Variants in ZSWIM8 observed in about 807,000 individuals in gnomAD.
The protein encoded by ZSWIM8 is zinc finger SWIM domain-containing protein 8.
Under a neutral mutation model 173.7 loss-of-function variants are expected in ZSWIM8, and 27 were observed. That is an observed-to-expected ratio of 0.16 (90% CI 0.11 to 0.21). The LOEUF (loss-of-function observed/expected upper bound fraction) is 0.21. Among genes scored for constraint, ZSWIM8 ranks in the 10% least tolerant of loss-of-function variants. The pLI is 1.00. For missense variants in ZSWIM8, 1,627 were observed against 2,428.8 expected, an observed-to-expected ratio of 0.67 and a Z score of 6.94; for synonymous variants, 958 against 962.0, an observed-to-expected ratio of 1.00 and a Z score of 0.08.
chr10:73,789,007 GA>G lies in ZSWIM8; in HGVS notation c.363-88del. 1 of 1,391,290 alleles carries G rather than the reference GA, an allele frequency of 7.2e-7. No homozygotes were observed. The highest frequency in any genetic ancestry group is 1.2e-5 in the South Asian group (1 of 82,312). The allele number at this position is 1,391,290 out of a possible 1,614,324, so 86.2% of individuals were successfully genotyped here. A position where few individuals can be genotyped will look rare whatever the true frequency, so the allele number is the denominator to read the frequency against. ...GCCCTGGGGAAGGAATGAGGCTAGG[GA>G]GAGAGTGCCTAGGGCATTGTGGTCT... On this transcript the variant is annotated intron_variant, in intron 2 of 25. Coordinates refer to ENST00000604729, the MANE Select transcript of ZSWIM8 (RefSeq NM_001367799.1). This position sits in a 1 kb window ranked among gnomAD's most constrained non-coding sequence, Gnocchi z 6.8.
chr10:73,790,313 CCTGTGT>C, intron 7 of ZSWIM8, 21 bp downstream of exon 7: 2 of 1,580,882 alleles, frequency 1.3e-6, no homozygotes, highest in Non-Finnish European at 1.7e-6. Flanking sequence ...TCTCTGCATA[CCTGTGT>C]CTGTGGTGGA....
rs755936923 is a variant in ZSWIM8 at position 73,801,763 on chromosome 10, TTATAAA to T, written c.*249_*254del. 1.3e-6 allele frequency: 2 copies of T among 1,493,282 alleles called. No individual in the cohort carries two copies. Among genetic ancestry groups the T allele is most frequent in the Non-Finnish European group, 1.8e-6 (2 of 1,124,412 alleles). 92.5% of individuals were successfully genotyped at this position (1,493,282 alleles called of 1,614,324 possible). On this transcript the variant is annotated 3_prime_UTR_variant, in exon 26 of 26. Coordinates refer to ENST00000604729, the MANE Select transcript of ZSWIM8 (RefSeq NM_001367799.1). This position sits in a 1 kb window ranked among gnomAD's most constrained non-coding sequence, Gnocchi z 4.9. ...GTGGCCTCTGGTATTTATTTGGCAT[TTATAAA>T]TATATAAACTCCTTTTTTACTCTAG... is the stretch of plus-strand genomic sequence containing the variant.
At position 73,797,661 on chromosome 10, in the gene ZSWIM8, C is replaced by T; in HGVS notation, c.3662+56C>T. On this transcript the variant is annotated intron_variant, in intron 18 of 25. Transcript: ENST00000604729. The surrounding 1 kb of genome is among the most constrained non-coding windows in gnomAD (Gnocchi z 5.6). ...ATCTGGCCCACCCTCAGAGCCACAC[C>T]CCTAGTGCAATCCAACCATTGTCTC... 1 of 1,587,798 alleles carries T rather than the reference C, an allele frequency of 6.3e-7. No individual in the cohort carries two copies. Among genetic ancestry groups the T allele is most frequent in the South Asian group, 1.1e-5 (1 of 88,474 alleles).
At position 73,794,342 on chromosome 10, in the gene ZSWIM8, G is replaced by A; in HGVS notation, c.2809+12G>A. 1.2e-6 allele frequency: 2 copies of A among 1,612,420 alleles called. No individual in the cohort carries two copies. The highest frequency in any genetic ancestry group is 8.5e-7 in the Non-Finnish European group (1 of 1,178,954). On this transcript the variant is annotated intron_variant, in intron 13 of 25. Transcript: ENST00000604729. ...TCTCTGTGCTCCAGGTATGATGCCT[G>A]ACCCTACAGTAAGTGGGGAACTGGG... is the stretch of plus-strand genomic sequence containing the variant.
rs1335112925 is a variant in ZSWIM8, at chr10:73,791,047, T to C, written c.1014T>C (p.Pro338=). The change falls in exon 8 of 26, where the codon CCT becomes CCC. Residue 338 remains proline, a synonymous_variant. Transcript: ENST00000604729. The surrounding 1 kb of genome is among the most constrained non-coding windows in gnomAD (Gnocchi z 6.0). ...CTGAATGGGCATGTCTGCTGCGCCC[T>C]CTGAGGGGCCGTGAGCCAGAGGGCG... is the stretch of plus-strand genomic sequence containing the variant. The part of the protein sequence containing the change: ...AAAEWACLLR[P]LRGREPEGVW... 1.1e-5 allele frequency: 18 copies of C among 1,613,862 alleles called. No homozygotes were observed. The highest frequency in any genetic ancestry group is 1.5e-5 in the Non-Finnish European group (18 of 1,179,876).
intron 20 of ZSWIM8, among the ~76,000 whole-genome samples, 154 bp downstream of exon 20, chr10:73,798,607 C>T (rs2083774874): frequency 6.6e-6 from 1 of 152,208 alleles, no homozygotes; most frequent in Admixed American, 6.5e-5. Flanking sequence ...CATTAATGTG[C>T]TTTCACACCC....
At chr10:73,795,199 T>G (rs1174863854) in intron 14 of ZSWIM8, among the ~76,000 whole-genome samples, 3 of 152,120 alleles carry the variant, frequency 2.0e-5, no homozygotes. Context: ...AGTGGTAGAA[T>G]ATGGAATGTG....
Position 73,799,315 on chromosome 10 carries a change from A to T in ZSWIM8, c.4490A>T (p.Tyr1497Phe). 6.2e-7 allele frequency: 1 copy of T among 1,607,456 alleles called. No homozygotes were observed. The highest frequency in any genetic ancestry group is 8.5e-7 in the Non-Finnish European group (1 of 1,177,166). Residue 1497 changes from tyrosine to phenylalanine, a missense_variant, in exon 21 of 26, where the codon TAC (tyrosine) becomes TTC (phenylalanine). Physicochemically the swap from Tyr to Phe is conservative, Grantham distance 22. Around this residue, in one of 18 missense-constraint regions of ZSWIM8, gnomAD observed 275 missense variants for 290.1 expected, o/e 0.95. Coordinates refer to ENST00000604729, the MANE Select transcript of ZSWIM8 (RefSeq NM_001367799.1). ...GTCATATCGGTGGGGTCTAGTTTAT[A>T]CCCGGGTCCAGGACTGGGGCATGGC... is the stretch of plus-strand genomic sequence containing the variant. ...VPVISVGSSL[Y>F]PGPGLGHGHS...
In ZSWIM8 at chr10:73,799,421, C is replaced by T. The variant is rs536696215; in HGVS notation, c.4596C>T (p.His1532=). The change falls in exon 21 of 26, where the codon CAC becomes CAT. Residue 1532 remains histidine, a synonymous_variant. Transcript: ENST00000604729. The stretch of plus-strand genomic sequence containing the variant: ...CTCAGTATCTCACTCACCCAGCTCA[C>T]CCTGCCCACCCCATGCCTCACATGC... ...CSPQYLTHPA[H]PAHPMPHMPR... 1.2e-6 allele frequency: 2 copies of T among 1,609,210 alleles called. No homozygotes were observed. The highest frequency in any genetic ancestry group is 2.2e-5 in the South Asian group (2 of 89,908).
chr10:73,796,497 C>CA lies in ZSWIM8; in HGVS notation c.3034-276dup. 6.1e-6 allele frequency: 3 copies of CA among 493,010 alleles called. No homozygotes were observed. In the South Asian group the frequency reaches 6.4e-5, roughly 10 times the overall value. The allele number at this position is 493,010 out of a possible 1,614,324, so 30.5% of individuals were successfully genotyped here. On this transcript the variant is annotated intron_variant, in intron 15 of 25. Coordinates refer to ENST00000604729, the MANE Select transcript of ZSWIM8 (RefSeq NM_001367799.1). ...TGGGCATGGGGTGGAAGAAGAGAAG[C>CA]AGAGGGCATAAAGTCATTCATTCAC...
rs2083700731 is a variant in ZSWIM8, at chr10:73,797,124, C to T, written c.3286C>T (p.His1096Tyr). The change falls in exon 17 of 26, where the codon CAT becomes TAT. Residue 1096 changes from histidine to tyrosine, a missense_variant. Around this residue, in one of 18 missense-constraint regions of ZSWIM8, gnomAD observed 163 missense variants for 193.2 expected, o/e 0.84. Coordinates refer to ENST00000604729, the MANE Select transcript of ZSWIM8 (RefSeq NM_001367799.1). This position sits in a 1 kb window ranked among gnomAD's most constrained non-coding sequence, Gnocchi z 5.6. ...TTTTCCTCACCTAGAGAGTTCCCCA[C>T]ATTCCCCCTGTGAGGGTCTTCCATC... The part of the protein sequence containing the change: ...TEKNVPESSP[H>Y]SPCEGLPSEA... 2 of 1,613,612 alleles carry T rather than the reference C, an allele frequency of 1.2e-6. No homozygotes were observed. The highest frequency in any genetic ancestry group is 1.1e-5 in the South Asian group (1 of 91,008).
rs896677973 is a variant in ZSWIM8 at position 73,792,108 on chromosome 10, C to G, written c.1569C>G (p.Gly523=). The G allele has an allele frequency of 3.9e-6, 6 of 1,532,030 alleles. No individual in the cohort carries two copies. In the African/African-American group the frequency reaches 6.9e-5, roughly 18 times the overall value. 94.9% of individuals were successfully genotyped at this position (1,532,030 alleles called of 1,614,324 possible). A position where few individuals can be genotyped will look rare whatever the true frequency, so the allele number is the denominator to read the frequency against. ...GGCCAGGTGCCTCCCGCTCTGGGGG[C>G]CTGGAGGAATCCCGGGACCGGCCCC... ...PSRPGASRSG[G]LEESRDRPRP... The change falls in exon 10 of 26, where the codon GGC becomes GGG. Residue 523 remains glycine, a synonymous_variant. Transcript: ENST00000604729. This position sits in a 1 kb window ranked among gnomAD's most constrained non-coding sequence, Gnocchi z 4.3.
intron 1 of ZSWIM8, among the ~76,000 whole-genome samples, chr10:73,787,890 G>A (rs1015223131): frequency 6.6e-6 from 1 of 151,886 alleles, no homozygotes; most frequent in Admixed American, 6.6e-5. Context: ...TAAAATAAAG[G>A]GGTTAACTCT....
chr10:73,795,979 A>C (rs1371474777), intron 15 of ZSWIM8, among the ~76,000 whole-genome samples: 1 of 150,616 alleles, frequency 6.6e-6, no homozygotes, highest in African/African-American at 2.4e-5. Context: ...AAAAAAAAAA[A>C]AAAAAGGCAA....
Position 73,794,618 on chromosome 10 carries a change from G to C in ZSWIM8, c.2887G>C (p.Glu963Gln). The change falls in exon 14 of 26, where the codon GAA becomes CAA. Residue 963 changes from glutamate (E) to glutamine (Q), a missense_variant. By Grantham distance (29) the Glu-to-Gln change is conservative. This residue lies in a region of ZSWIM8 where 169 missense variants were observed against 235.3 expected (regional missense o/e 0.72). Coordinates refer to ENST00000604729, the MANE Select transcript of ZSWIM8 (RefSeq NM_001367799.1). ...ACCTGGGGATGAGGAGCTTGGATTT[G>C]AAGCAGCAGTTGCTGCCTTGGGTGA... ...ETPGDEELGF[E>Q]AAVAALGMKT... 6.4e-7 allele frequency: 1 copy of C among 1,554,470 alleles called. No homozygotes were observed. Among genetic ancestry groups the C allele is most frequent in the Non-Finnish European group, 8.7e-7 (1 of 1,148,624 alleles).
Position 73,800,080 on chromosome 10 carries a change from G to T in ZSWIM8, c.4735G>T (p.Ala1579Ser). The part of the protein sequence containing the change: ...SVTPPSLAAT[A>S]VSFPVPSMAP... ...GACTCCTCCCTCACTTGCTGCCACT[G>T]CTGTGTCTTTCCCCGTTCCTTCCAT... The change falls in exon 22 of 26, where the codon GCT becomes TCT. Residue 1579 changes from alanine to serine, a missense_variant. Transcript: ENST00000604729. This position sits in a 1 kb window ranked among gnomAD's most constrained non-coding sequence, Gnocchi z 4.1. 6.2e-7 allele frequency: 1 copy of T among 1,613,808 alleles called. No homozygotes were observed. The highest frequency in any genetic ancestry group is 8.5e-7 in the Non-Finnish European group (1 of 1,179,826).
Position 73,792,573 on chromosome 10 carries a change from G to A in ZSWIM8, c.2034G>A (p.Gly678=). The A allele has an allele frequency of 1.2e-6, 2 of 1,614,016 alleles. No individual in the cohort carries two copies. Among genetic ancestry groups the A allele is most frequent in the Non-Finnish European group, 8.5e-7 (1 of 1,179,872 alleles). Residue 678 remains glycine, a synonymous_variant, in exon 10 of 26, where the codon GGG becomes GGA. Transcript: ENST00000604729. This position sits in a 1 kb window ranked among gnomAD's most constrained non-coding sequence, Gnocchi z 4.3. ...ATGGTGGTGTGTACTTCTCGGAAGGGCCTGAGCCTCCCACAGCCTCTGTTG... is the reference window on the plus strand; with the variant it reads ...ATGGTGGTGTGTACTTCTCGGAAGGACCTGAGCCTCCCACAGCCTCTGTTG... The part of the protein sequence containing the change: ...EEDGGVYFSE[G]PEPPTASVGP...
At position 73,785,956 on chromosome 10, in the gene ZSWIM8, A is replaced by G; in HGVS notation, c.78A>G (p.Ser26=). 6.4e-7 allele frequency: 1 copy of G among 1,571,146 alleles called. No individual in the cohort carries two copies. Among genetic ancestry groups the G allele is most frequent in the Non-Finnish European group, 8.6e-7 (1 of 1,158,276 alleles). Residue 26 remains serine, a synonymous_variant, in exon 1 of 26, where the codon TCA becomes TCG. Coordinates refer to ENST00000604729, the MANE Select transcript of ZSWIM8 (RefSeq NM_001367799.1). ...ATTCGGACCGTTTTGAGGAGGATTC[A>G]CTCTGTTCCTTCATCTCCGAGGCCG... ...FEDSDRFEED[S]LCSFISEAES... is the part of the protein sequence containing the mutation.
At chr10:73,794,475 GTTCCCCTGTATTTT>G in intron 13 of ZSWIM8, 52 bp from the exon 14 acceptor site, 1 of 1,569,230 alleles carries the variant, frequency 6.4e-7, no homozygotes, top group South Asian at 1.1e-5. Context: ...AGGATTTTGG[GTTCCCCTGTATTTT>G]TTCCCATGCA....
Sources: gnomAD v4.1 joint callset for allele counts (sites outside exome capture counted in the v4.1 genomes callset) on GRCh38, gnomAD v4.1.1 for gene constraint, gnomAD v4.1.1 regional missense constraint, Gnocchi (gnomAD v3.1) non-coding constraint, MANE v1.5 for transcripts, NCBI Gene and HGNC (gene_info 2026-07-23, HGNC 2026-07-21) for gene names.